Variants in PRRG1 observed in about 807,000 individuals in gnomAD.
PRRG1 encodes transmembrane gamma-carboxyglutamic acid protein 1.
Under a neutral mutation model 11.8 loss-of-function variants are expected in PRRG1, and 5 were observed. That is an observed-to-expected ratio of 0.42 (90% CI 0.22 to 0.89). PRRG1 has a LOEUF of 0.89. Ranked by LOEUF, PRRG1 falls within the 40% of genes least tolerant of loss-of-function variation. The pLI is 0.28. For synonymous variants in PRRG1, 66 were observed against 60.4 expected, an observed-to-expected ratio of 1.09 and a Z score of -0.43; for missense variants, 155 against 166.1, an observed-to-expected ratio of 0.93 and a Z score of 0.37.
intron 3 of PRRG1, among the ~76,000 whole-genome samples, chrX:37,430,953 A>G (rs1556390033): frequency 2.7e-5 from 3 of 112,198 alleles, no homozygotes. Flanking sequence ...ATCTGTTTCC[A>G]TCTCTATAAT....
chrX:37,449,526 G>A (rs1230464047), intron 3 of PRRG1, among the ~76,000 whole-genome samples: 1 of 112,408 alleles, frequency 8.9e-6, no homozygotes, highest in East Asian at 2.8e-4. Context: ...CTTGCACCCA[G>A]TGCATTTTGT....
At chrX:37,416,193 G>A (rs149203300) in intron 2 of PRRG1, among the ~76,000 whole-genome samples, 1,128 of 111,980 alleles carry the variant, frequency 0.01, 8 homozygotes, top group Middle Eastern at 0.042. Flanking sequence ...AGCCAAATGC[G>A]TTTGTAGTAG....
intron 1 of PRRG1, among the ~76,000 whole-genome samples, chrX:37,388,521 C>CTTA (rs782055829): frequency 8.8e-6 from 1 of 113,354 alleles, no homozygotes; most frequent in African/African-American, 3.2e-5. Context: ...GCTGCCAAGG[C>CTTA]TTATGGCTTA....
At position 37,455,814 on chromosome X, in the gene PRRG1, T is replaced by A. The variant is rs1921334374; in HGVS notation, c.*2193T>A. The A allele has an allele frequency of 8.9e-6, 1 of 112,339 alleles. No individual in the cohort carries two copies. The highest frequency in any genetic ancestry group is 1.9e-5 in the Non-Finnish European group (1 of 53,300). The allele number at this position is 112,339 out of a possible 1,213,427, so 9.3% of individuals were successfully genotyped here. Reference sequence around the variant, plus strand: ...TGTGTGGGGTTTTTTTCTTTATTTTTAAATGAAAATTAAGACACCTTTTGT... The same window carrying A: ...TGTGTGGGGTTTTTTTCTTTATTTTAAAATGAAAATTAAGACACCTTTTGT... On this transcript the variant is annotated 3_prime_UTR_variant, in exon 4 of 4. Transcript: ENST00000378628.
At chrX:37,411,800 A>C (rs192454015) in intron 2 of PRRG1, among the ~76,000 whole-genome samples, 1 of 112,288 alleles carries the variant, frequency 8.9e-6, no homozygotes, top group Non-Finnish European at 1.9e-5. Context: ...CAAAATAGGA[A>C]TAATACTTAG....
chrX:37,371,452 A>G (rs1459979709), intron 1 of PRRG1, among the ~76,000 whole-genome samples: 1 of 112,681 alleles, frequency 8.9e-6, no homozygotes, highest in Non-Finnish European at 1.9e-5. Flanking sequence ...CAGGGCAAAA[A>G]GAGCTGTAAC....
At chrX:37,420,016 T>C (rs782014141) in intron 2 of PRRG1, among the ~76,000 whole-genome samples, 1 of 111,721 alleles carries the variant, frequency 9.0e-6, no homozygotes, top group South Asian at 3.8e-4. Flanking sequence ...TTGATAAATA[T>C]CATTTTTTTT....
Position 37,454,244 on chromosome X carries a change from A to G in PRRG1, c.*623A>G, listed in dbSNP as rs368448289. 1.8e-5 allele frequency: 2 copies of G among 112,357 alleles called. No individual in the cohort carries two copies. Among genetic ancestry groups the G allele is most frequent in the Non-Finnish European group, 3.8e-5 (2 of 53,230 alleles). The allele number at this position is 112,357 out of a possible 1,213,427, so 9.3% of individuals were successfully genotyped here. ...GATAACTTGCTTACAGCAGATAGCAATAAGGTATTTGGTGGCATTCGGCTT... is the reference window on the plus strand; with the variant it reads ...GATAACTTGCTTACAGCAGATAGCAGTAAGGTATTTGGTGGCATTCGGCTT... On this transcript the variant is annotated 3_prime_UTR_variant, in exon 4 of 4. Coordinates refer to ENST00000378628, the MANE Select transcript of PRRG1 (RefSeq NM_001142395.2).
At chrX:37,401,868 G>A (rs782209582) in intron 1 of PRRG1, among the ~76,000 whole-genome samples, 4,996 of 110,218 alleles carry the variant, frequency 0.045, 298 homozygotes, top group African/African-American at 0.16. Context: ...CAAATCATGA[G>A]TGAACTCCCA....
rs782072965 is a variant in PRRG1 at position 37,398,160 on chromosome X, C to T, written c.-41-8049C>T. On this transcript the variant is annotated intron_variant, in intron 1 of 3. Coordinates refer to ENST00000378628, the MANE Select transcript of PRRG1 (RefSeq NM_001142395.2). Reference sequence around the variant, plus strand: ...CAGCACGCAGCTGGAGATCTGAGAACGGGCAGACTGCCTCCTCAAGTGGGT... The same window carrying T: ...CAGCACGCAGCTGGAGATCTGAGAATGGGCAGACTGCCTCCTCAAGTGGGT... Among the ~76,000 whole-genome samples the T allele has an allele frequency of 5.4e-5, 6 of 111,262 alleles. No individual in the cohort carries two copies. The South Asian group carries it at 1.5e-3, about 29-fold the overall frequency.
chrX:37,349,418 G>C (rs1373246176), intron 1 of PRRG1, 23 bp downstream of exon 1: 1 of 112,768 alleles, frequency 8.9e-6, no homozygotes, highest in Non-Finnish European at 1.9e-5. Flanking sequence ...GCCGCGCTGG[G>C]TTCCTAGCTG....
chrX:37,454,249 G>T lies in PRRG1; in HGVS notation c.*628G>T, dbSNP rs782048883. On this transcript the variant is annotated 3_prime_UTR_variant, in exon 4 of 4. Transcript: ENST00000378628. The stretch of plus-strand genomic sequence containing the variant: ...CTTGCTTACAGCAGATAGCAATAAG[G>T]TATTTGGTGGCATTCGGCTTGTTTT... 5 of 111,938 alleles carry T rather than the reference G, an allele frequency of 4.5e-5. No homozygotes were observed. The highest frequency in any genetic ancestry group is 9.4e-5 in the Non-Finnish European group (5 of 53,160). The allele number at this position is 111,938 out of a possible 1,213,427, so 9.2% of individuals were successfully genotyped here. A position where few individuals can be genotyped will look rare whatever the true frequency, so the allele number is the denominator to read the frequency against.
At chrX:37,436,503 C>T (rs1932886389) in intron 3 of PRRG1, among the ~76,000 whole-genome samples, 1 of 112,069 alleles carries the variant, frequency 8.9e-6, no homozygotes, top group Non-Finnish European at 1.9e-5. Context: ...GGCATGTAGA[C>T]ACTTGTGAGT....
intron 3 of PRRG1, among the ~76,000 whole-genome samples, chrX:37,435,238 G>A (rs1407534494): frequency 9.0e-6 from 1 of 111,544 alleles, no homozygotes; most frequent in African/African-American, 3.3e-5. Flanking sequence ...AGTGGCCAAA[G>A]CTGAACAATT....
chrX:37,453,984 G>A lies in PRRG1; in HGVS notation c.*363G>A, dbSNP rs1318085150. The A allele has an allele frequency of 8.3e-6, 1 of 120,551 alleles. No individual in the cohort carries two copies. The highest frequency in any genetic ancestry group is 3.7e-4 in the South Asian group (1 of 2,723). The allele number at this position is 120,551 out of a possible 1,213,427, so 9.9% of individuals were successfully genotyped here. Reference sequence around the variant, plus strand: ...TAACTTCTACCTAAATCACCTGGAAGGAGAGCATTACTCACCAAAATTGCA... The same window carrying A: ...TAACTTCTACCTAAATCACCTGGAAAGAGAGCATTACTCACCAAAATTGCA... On this transcript the variant is annotated 3_prime_UTR_variant, in exon 4 of 4. Coordinates refer to ENST00000378628, the MANE Select transcript of PRRG1 (RefSeq NM_001142395.2).
chrX:37,433,887 A>G (rs937300579), intron 3 of PRRG1, among the ~76,000 whole-genome samples: 3 of 112,463 alleles, frequency 2.7e-5, no homozygotes, highest in Non-Finnish European at 5.6e-5. Context: ...TGTTCATGCC[A>G]TTAAAACAAT....
At chrX:37,437,893 G>A (rs1314279790) in intron 3 of PRRG1, among the ~76,000 whole-genome samples, 1 of 111,181 alleles carries the variant, frequency 9.0e-6, no homozygotes, top group African/African-American at 3.3e-5. Flanking sequence ...AATGATGAGA[G>A]AGAGGTGTTG....
At chrX:37,361,223 TC>T (rs1166773961) in intron 1 of PRRG1, among the ~76,000 whole-genome samples, 1 of 110,176 alleles carries the variant, frequency 9.1e-6, no homozygotes, top group African/African-American at 3.3e-5. Flanking sequence ...TAGCCTGTAG[TC>T]CCAGCTACTC....
chrX:37,420,545 A>G (rs1556386631), intron 2 of PRRG1, among the ~76,000 whole-genome samples: 5 of 108,496 alleles, frequency 4.6e-5, no homozygotes, highest in Non-Finnish European at 9.5e-5. Context: ...AAAATAGGGC[A>G]CCTATGGCCA....
Sources: allele counts gnomAD v4.1 joint callset (sites outside exome capture counted in the v4.1 genomes callset), GRCh38; gene constraint gnomAD v4.1.1; transcripts MANE v1.5; gene names NCBI Gene and HGNC (gene_info 2026-07-23, HGNC 2026-07-21).